The following CLVS1 variants were observed in gnomAD, a reference collection of about 807,000 sequenced individuals.
The protein encoded by CLVS1 is clavesin-1.
CLVS1 carries 10 observed loss-of-function variants against 33.1 expected under a neutral mutation model. The ratio of observed to expected loss-of-function variants is 0.30; its 90% CI spans 0.19 to 0.51. The LOEUF (loss-of-function observed/expected upper bound fraction) is 0.51. Among genes scored for constraint, CLVS1 ranks in the 20% least tolerant of loss-of-function variants. CLVS1 has a pLI of 0.97. For missense variants in CLVS1, 343 were observed against 433.4 expected, an observed-to-expected ratio of 0.79 and a Z score of 1.85; for synonymous variants, 163 against 166.1, an observed-to-expected ratio of 0.98 and a Z score of 0.14.
chr8:61,152,801 G>T (rs114250031), intron 2 of CLVS1, among the ~76,000 whole-genome samples: 9 of 152,268 alleles, frequency 5.9e-5, no homozygotes, highest in African/African-American at 1.4e-4. Flanking sequence ...ATACTATCAC[G>T]TTGGGGGTTA....
chr8:61,035,841 A>G, the CLVS1 span, among the ~76,000 whole-genome samples: 2 of 152,206 alleles, frequency 1.3e-5, no homozygotes, highest in Non-Finnish European at 2.9e-5. Context: ...TCTAAACATT[A>G]TCCTGACATA....
intron 5 of CLVS1, among the ~76,000 whole-genome samples, chr8:61,474,748 G>A (rs907172726): frequency 1.3e-5 from 2 of 152,190 alleles, no homozygotes; most frequent in African/African-American, 4.8e-5. Context: ...GCACCCCAAA[G>A]CTGAGAAGTT....
intron 1 of CLVS1, among the ~76,000 whole-genome samples, chr8:61,131,108 C>T (rs1341145788): frequency 2.0e-5 from 3 of 152,168 alleles, no homozygotes; most frequent in African/African-American, 7.2e-5. Context: ...GGCTGGTCAC[C>T]ACCCTAATGT....
At chr8:61,494,018 T>C (rs954025956) in intron 5 of CLVS1, among the ~76,000 whole-genome samples, 1 of 151,992 alleles carries the variant, frequency 6.6e-6, no homozygotes, top group Non-Finnish European at 1.5e-5. Context: ...GAAGAAAAGG[T>C]GAGTGTTAGC....
chr8:61,009,485 AAG>A, the CLVS1 span, among the ~76,000 whole-genome samples: 1 of 152,206 alleles, frequency 6.6e-6, no homozygotes, highest in South Asian at 2.1e-4. Flanking sequence ...AGAGTCTAAA[AAG>A]AGTATTTTGA....
chr8:61,474,565 A>G (rs922251451), intron 5 of CLVS1, among the ~76,000 whole-genome samples: 3 of 152,166 alleles, frequency 2.0e-5, no homozygotes, highest in African/African-American at 7.2e-5. Flanking sequence ...GGATATCTCA[A>G]TGCTAATAGC....
chr8:61,330,293 T>C (rs562603422), intron 2 of CLVS1, among the ~76,000 whole-genome samples: 3 of 152,146 alleles, frequency 2.0e-5, no homozygotes, highest in East Asian at 3.9e-4. Context: ...AGGGTTCTCG[T>C]GCAAGTCCAG....
chr8:61,442,321 C>G (rs1320381016), intron 3 of CLVS1, among the ~76,000 whole-genome samples: 1 of 152,148 alleles, frequency 6.6e-6, no homozygotes, highest in Non-Finnish European at 1.5e-5. Context: ...TCTGGCTGTA[C>G]CAGTTTGCTT....
chr8:61,081,131 A>G (rs1459677334), intron 1 of CLVS1, among the ~76,000 whole-genome samples: 1 of 152,136 alleles, frequency 6.6e-6, no homozygotes, highest in East Asian at 1.9e-4. Context: ...AATTGGGAAG[A>G]CACTGAAGGT....
At chr8:61,232,695 C>A (rs949055124) in intron 2 of CLVS1, among the ~76,000 whole-genome samples, 5 of 152,156 alleles carry the variant, frequency 3.3e-5, no homozygotes, top group African/African-American at 1.2e-4. Context: ...CTCCCACACC[C>A]CCAATTTCCA....
the CLVS1 span, among the ~76,000 whole-genome samples, chr8:61,018,455 C>G: frequency 6.6e-6 from 1 of 152,118 alleles, no homozygotes; most frequent in Non-Finnish European, 1.5e-5. Flanking sequence ...GAAGTTGACC[C>G]AGTGGAGATG....
At chr8:61,070,691 T>G (rs1391837803) in intron 1 of CLVS1, among the ~76,000 whole-genome samples, 1 of 152,070 alleles carries the variant, frequency 6.6e-6, no homozygotes, top group Non-Finnish European at 1.5e-5. Context: ...AATTAAAAAA[T>G]TATCCAGGCA....
At chr8:61,294,963 A>G (rs1417299461) in intron 1 of CLVS1, among the ~76,000 whole-genome samples, 1 of 152,198 alleles carries the variant, frequency 6.6e-6, no homozygotes, top group East Asian at 1.9e-4. Flanking sequence ...TAAACTTGAG[A>G]TGAAATATAC....
rs145212317 is a variant in CLVS1 at position 61,428,203 on chromosome 8, G to A, written c.631-25938G>A. ...AACTGAGTCCACCTGCTTAGAAGGCGGCTTTTGCATTATTTTCTTTTGTAA... is the reference window on the plus strand; with the variant it reads ...AACTGAGTCCACCTGCTTAGAAGGCAGCTTTTGCATTATTTTCTTTTGTAA... On this transcript the variant is annotated intron_variant, in intron 3 of 5. Transcript: ENST00000325897. 2.2e-3 allele frequency among the ~76,000 whole-genome samples: 333 copies of A among 152,270 alleles called. 1 individual carries two copies. Among genetic ancestry groups the A allele is most frequent in the African/African-American group, 7.6e-3 (317 of 41,566 alleles).
chr8:61,184,215 T>C lies in CLVS1; in HGVS notation c.-152+52355T>C, dbSNP rs74465872. Among the ~76,000 whole-genome samples the C allele has an allele frequency of 7.6e-4, 115 of 152,298 alleles. 1 individual carries two copies. In the East Asian group the frequency reaches 0.013, roughly 18 times the overall value. Reference sequence around the variant, plus strand: ...GGATCAAGGAGTGGAAGGAACCTCTTCCTCGCATGGAGAGCGGGGAGTCAG... The same window carrying C: ...GGATCAAGGAGTGGAAGGAACCTCTCCCTCGCATGGAGAGCGGGGAGTCAG... On this transcript the variant is annotated intron_variant, in intron 2 of 2. Transcript: ENST00000522621.
intron 3 of CLVS1, among the ~76,000 whole-genome samples, chr8:61,441,913 A>G (rs1816564752): frequency 6.6e-6 from 1 of 152,246 alleles, no homozygotes; most frequent in African/African-American, 2.4e-5. Flanking sequence ...GACTGAATGT[A>G]CTGAAATGTA....
chr8:61,192,319 A>C (rs7459473), intron 2 of CLVS1, among the ~76,000 whole-genome samples: 113,941 of 151,994 alleles, frequency 0.75, 43,613 homozygotes, highest in Middle Eastern at 0.9. Context: ...AACTGGCTAG[A>C]CATATGTAGA....
At chr8:61,458,241 T>C in intron 4 of CLVS1, 66 bp from the exon 5 acceptor site, 2 of 1,164,604 alleles carry the variant, frequency 1.7e-6, no homozygotes, top group South Asian at 2.8e-5. Flanking sequence ...AATTGTGTAT[T>C]AGATGAAATC....
intron 2 of CLVS1, among the ~76,000 whole-genome samples, chr8:61,273,493 C>G (rs1344072245): frequency 2.0e-5 from 3 of 150,288 alleles, no homozygotes; most frequent in African/African-American, 7.3e-5. Flanking sequence ...GGCAGGCAGG[C>G]CTCCTTGAGC....
Sources: gnomAD v4.1 joint callset for allele counts (sites outside exome capture counted in the v4.1 genomes callset) on GRCh38, gnomAD v4.1.1 for gene constraint, MANE v1.5 for transcripts, NCBI Gene and HGNC (gene_info 2026-07-23, HGNC 2026-07-21) for gene names.